PTPRN2: variants seen among roughly 807,000 people sequenced by gnomAD.
The protein encoded by PTPRN2 is receptor-type tyrosine-protein phosphatase N2.
A neutral mutation model predicts 118.8 loss-of-function variants in PTPRN2; 74 were observed. The observed-to-expected ratio is 0.62, with a 90% CI of 0.52 to 0.76. PTPRN2 has a LOEUF of 0.76. Among genes scored for constraint, PTPRN2 ranks in the 30% least tolerant of loss-of-function variants. PTPRN2 has a pLI of 0.00. For missense variants in PTPRN2, 1,481 were observed against 1,394.4 expected (o/e 1.06, Z -0.99); for synonymous variants, 641 against 608.0 (o/e 1.05, Z -0.80).
At chr7:157,850,577 C>T (rs1338686794) in intron 12 of PTPRN2, among the ~76,000 whole-genome samples, 2 of 152,224 alleles carry the variant, frequency 1.3e-5, no homozygotes, top group African/African-American at 4.8e-5. Context: ...ATCCAGAATT[C>T]TCCTTTCTCA....
intron 5 of PTPRN2, among the ~76,000 whole-genome samples, chr7:158,191,148 G>C (rs56283944): frequency 8.9e-4 from 136 of 152,178 alleles, no homozygotes; most frequent in Non-Finnish European, 1.7e-3. Context: ...TCTACCTTTC[G>C]AGGTCTGTGG....
At position 158,089,948 on chromosome 7, in the gene PTPRN2, T is replaced by G. The variant is rs202119336; in HGVS notation, c.1644-8571A>C. ...AAAGAGGGAGTCTTCACACAAACCCTTCCTCCCCTGACGAAAGAGGGAGTC... is the reference window on the plus strand; with the variant it reads ...AAAGAGGGAGTCTTCACACAAACCCGTCCTCCCCTGACGAAAGAGGGAGTC... On this transcript the variant is annotated intron_variant, in intron 10 of 22. Transcript: ENST00000389418. Among the ~76,000 whole-genome samples the G allele has an allele frequency of 1.1e-4, 4 of 37,594 alleles. 1 individual carries two copies. Among genetic ancestry groups the G allele is most frequent in the South Asian group, 9.6e-3 (2 of 208 alleles). 24.7% of individuals were successfully genotyped at this position (37,594 alleles called of 152,430 possible).
intron 1 of PTPRN2, among the ~76,000 whole-genome samples, chr7:158,530,836 G>T (rs1479105362): frequency 6.6e-6 from 1 of 152,182 alleles, no homozygotes; most frequent in Admixed American, 6.5e-5. Context: ...GAGGTGTCGG[G>T]CCATGTGGGT....
intron 1 of PTPRN2, among the ~76,000 whole-genome samples, chr7:158,548,160 G>A (rs1026501595): frequency 6.6e-6 from 1 of 152,216 alleles, no homozygotes; most frequent in Non-Finnish European, 1.5e-5. Context: ...TGTGGATGAG[G>A]AGCAGGACCA....
In PTPRN2 at chr7:157,757,100, G is replaced by T. The variant is rs557075735; in HGVS notation, c.1789-74163C>A. Reference sequence around the variant, plus strand: ...ATGCTATGCGGCTCACAAGATAAAAGTTTTTTTTTAAAACCTCCCCCACCC... The same window carrying T: ...ATGCTATGCGGCTCACAAGATAAAATTTTTTTTTTAAAACCTCCCCCACCC... On this transcript the variant is annotated intron_variant, in intron 12 of 22. Transcript: ENST00000389418. Among the ~76,000 whole-genome samples, 4 of 151,648 alleles carry T rather than the reference G, an allele frequency of 2.6e-5. No individual in the cohort carries two copies. The East Asian group carries it at 5.8e-4, about 22-fold the overall frequency.
chr7:158,557,181 C>T (rs1262677091), intron 1 of PTPRN2, among the ~76,000 whole-genome samples: 5 of 144,032 alleles, frequency 3.5e-5, no homozygotes, highest in South Asian at 2.2e-4. Context: ...AGGCGGCTCC[C>T]GCGCAGGTCA....
chr7:158,407,873 G>T lies in PTPRN2; in HGVS notation c.163+81862C>A, dbSNP rs184497296. Among the ~76,000 whole-genome samples, 170 of 152,346 alleles carry T rather than the reference G, an allele frequency of 1.1e-3. 1 individual carries two copies. The highest frequency in any genetic ancestry group is 3.9e-3 in the African/African-American group (161 of 41,578). ...ATGGCGTGATTAGCTGGGAGGTTTG[G>T]AAACAGCAAAAGCAAAAAGGCATCT... is the stretch of plus-strand genomic sequence containing the variant. On this transcript the variant is annotated intron_variant, in intron 2 of 22. Transcript: ENST00000389418.
chr7:157,799,979 C>G (rs893707879), intron 12 of PTPRN2, among the ~76,000 whole-genome samples: 2 of 151,380 alleles, frequency 1.3e-5, no homozygotes, highest in African/African-American at 4.9e-5. Context: ...CTCAGAGGTA[C>G]CACAGCCGGC....
chr7:158,336,390 A>C (rs1236950126), intron 2 of PTPRN2, among the ~76,000 whole-genome samples: 1 of 138,696 alleles, frequency 7.2e-6, no homozygotes, highest in African/African-American at 2.7e-5. Context: ...TGCAGACGTC[A>C]CTCACACCCA....
intron 12 of PTPRN2, among the ~76,000 whole-genome samples, chr7:157,888,560 C>A (rs1023569858): frequency 1.3e-5 from 2 of 150,766 alleles, no homozygotes; most frequent in African/African-American, 2.4e-5. Flanking sequence ...CCCCACCCCC[C>A]AACATCCAAT....
intron 12 of PTPRN2, among the ~76,000 whole-genome samples, chr7:157,828,008 C>A (rs968518862): frequency 1.9e-4 from 29 of 152,196 alleles, no homozygotes; most frequent in Non-Finnish European, 1.2e-4. Context: ...GCTTGGGGTG[C>A]AGCTCTGGGC....
intron 2 of PTPRN2, among the ~76,000 whole-genome samples, chr7:158,484,440 G>A (rs1820858555): frequency 6.6e-6 from 1 of 152,178 alleles, no homozygotes; most frequent in African/African-American, 2.4e-5. Flanking sequence ...TCGGCTCACC[G>A]TAACCTCCAC....
chr7:158,046,423 A>ACTGCGATCCTGGCATCCTGACG (rs951352160), intron 11 of PTPRN2, among the ~76,000 whole-genome samples: 2 of 145,070 alleles, frequency 1.4e-5, no homozygotes, highest in Non-Finnish European at 3.0e-5. Context: ...AGGAGCAGAA[A>ACTGCGATCCTGGCATCCTGACG]CTGCGATCCT....
At chr7:158,105,886 C>T (rs1301814907) in intron 10 of PTPRN2, among the ~76,000 whole-genome samples, 1 of 151,748 alleles carries the variant, frequency 6.6e-6, no homozygotes, top group African/African-American at 2.4e-5. Flanking sequence ...CTCCATACTA[C>T]TCTATACCCG....
chr7:157,772,354 CACAT>C (rs1427996088), intron 12 of PTPRN2, among the ~76,000 whole-genome samples: 20 of 151,836 alleles, frequency 1.3e-4, no homozygotes, highest in East Asian at 2.0e-4. Context: ...TACACACACA[CACAT>C]ACACACAGAC....
chr7:158,573,622 G>A (rs1828166989), intron 1 of PTPRN2, among the ~76,000 whole-genome samples: 1 of 152,046 alleles, frequency 6.6e-6, no homozygotes, highest in Admixed American at 6.6e-5. Context: ...GGGTCTGAAT[G>A]TCCTTATGTG....
intron 12 of PTPRN2, among the ~76,000 whole-genome samples, chr7:157,732,838 C>T (rs377761222): frequency 2.1e-4 from 2 of 9,562 alleles, no homozygotes; most frequent in Admixed American, 9.7e-4. Flanking sequence ...TCCCGTCCCA[C>T]GCGCCCAGCA....
intron 1 of PTPRN2, among the ~76,000 whole-genome samples, chr7:158,522,043 CA>C (rs1255366216): frequency 3.0e-5 from 2 of 66,068 alleles, no homozygotes; most frequent in African/African-American, 7.6e-5. Flanking sequence ...GGTAGTGGCT[CA>C]GGGGGGAGGT....
At chr7:158,436,101 C>G (rs1010371706) in intron 2 of PTPRN2, among the ~76,000 whole-genome samples, 1 of 152,122 alleles carries the variant, frequency 6.6e-6, no homozygotes, top group Non-Finnish European at 1.5e-5. Flanking sequence ...GACATGGATC[C>G]CTGACTTATT....
Sources: allele counts gnomAD v4.1 joint callset (sites outside exome capture counted in the v4.1 genomes callset), GRCh38; gene constraint gnomAD v4.1.1; transcripts MANE v1.5; gene names NCBI Gene and HGNC (gene_info 2026-07-23, HGNC 2026-07-21).